The following TPST2 variants were observed in gnomAD, a reference collection of about 807,000 sequenced individuals.
TPST2 encodes protein-tyrosine sulfotransferase 2.
Under a neutral mutation model 27.8 loss-of-function variants are expected in TPST2, and 16 were observed. That is an observed-to-expected ratio of 0.58 (90% confidence interval 0.39 to 0.88). The LOEUF (loss-of-function observed/expected upper bound fraction) is 0.88. Ranked by LOEUF, TPST2 falls within the 40% of genes least tolerant of loss-of-function variation. TPST2 has a pLI of 0.00. For missense variants in TPST2, 464 were observed against 543.1 expected, an observed-to-expected ratio of 0.85 and a Z score of 1.45; for synonymous variants, 229 against 231.7, an observed-to-expected ratio of 0.99 and a Z score of 0.10.
chr22:26,536,890 T>A (rs1925501546), intron 3 of TPST2, among the ~76,000 whole-genome samples: 1 of 152,016 alleles, frequency 6.6e-6, no homozygotes, highest in Non-Finnish European at 1.5e-5. Context: ...GAAACCCCAT[T>A]ACAAAAATAA....
intron 1 of TPST2, among the ~76,000 whole-genome samples, chr22:26,545,441 G>A (rs989664884): frequency 3.9e-5 from 6 of 152,190 alleles, no homozygotes; most frequent in African/African-American, 1.4e-4. Flanking sequence ...GGCCAAAGTG[G>A]AATCAAGGGG....
intron 4 of TPST2, among the ~76,000 whole-genome samples, chr22:26,533,350 G>C (rs760306163): frequency 9.2e-5 from 14 of 152,116 alleles, no homozygotes; most frequent in Non-Finnish European, 2.1e-4. Flanking sequence ...AGCCCGGGAG[G>C]TTGAGGCTGC....
rs754057486 is a variant in TPST2 at position 26,541,256 on chromosome 22, C to A, written c.375G>T (p.Glu125Asp). 2 of 1,541,380 alleles carry A rather than the reference C, an allele frequency of 1.3e-6. No homozygotes were observed. Among genetic ancestry groups the A allele is most frequent in the Non-Finnish European group, 1.8e-6 (2 of 1,142,336 alleles). ...KSGREKLRLD[E>D]AGVTDEVLDA... ...CCAGCACCTCATCCGTCACCCCCGCCTCATCCAGCCGCAGCTTCTCACGGC... is the reference window on the plus strand; with the variant it reads ...CCAGCACCTCATCCGTCACCCCCGCATCATCCAGCCGCAGCTTCTCACGGC... Residue 125 changes from glutamate (E) to aspartate (D), a missense_variant, in exon 3 of 7, where the codon GAG becomes GAT. Coordinates refer to ENST00000338754, the MANE Select transcript of TPST2 (RefSeq NM_003595.5). The surrounding 1 kb of genome is among the most constrained non-coding windows in gnomAD (Gnocchi z 5.9).
intron 3 of TPST2, among the ~76,000 whole-genome samples, chr22:26,537,806 G>GCT (rs924166083): frequency 3.3e-5 from 5 of 151,810 alleles, no homozygotes; most frequent in African/African-American, 4.8e-5. Context: ...CTGTGCACAC[G>GCT]CTCTCTCTCT....
intron 1 of TPST2, among the ~76,000 whole-genome samples, chr22:26,553,227 T>C (rs927105008): frequency 1.3e-4 from 20 of 152,124 alleles, no homozygotes; most frequent in Admixed American, 1.2e-3. Context: ...GGCCAGCCTT[T>C]GGTAAGAGAA....
chr22:26,563,008 C>G (rs1337713164), intron 1 of TPST2, among the ~76,000 whole-genome samples: 1 of 152,164 alleles, frequency 6.6e-6, no homozygotes, highest in African/African-American at 2.4e-5. Context: ...AAACATCTTA[C>G]AATGCCCAGG....
chr22:26,556,577 C>T (rs975235603), intron 1 of TPST2, among the ~76,000 whole-genome samples: 4 of 152,172 alleles, frequency 2.6e-5, no homozygotes, highest in African/African-American at 9.7e-5. Context: ...GATGCGAGTG[C>T]TGCCACTACT....
intron 1 of TPST2, among the ~76,000 whole-genome samples, chr22:26,579,432 G>A (rs1193788308): frequency 1.3e-5 from 2 of 152,228 alleles, no homozygotes; most frequent in African/African-American, 4.8e-5. Flanking sequence ...GCCCGGTGGG[G>A]AAGGGAGGGC....
chr22:26,560,511 G>A (rs1927032465), intron 1 of TPST2: 1 of 823,760 alleles, frequency 1.2e-6, no homozygotes, highest in South Asian at 1.4e-5. Flanking sequence ...CCTCGCTGAG[G>A]AAAAATAACT....
intron 1 of TPST2, among the ~76,000 whole-genome samples, chr22:26,551,231 A>C (rs559195529): frequency 1.3e-5 from 2 of 152,354 alleles, no homozygotes; most frequent in Non-Finnish European, 2.9e-5. Flanking sequence ...GGTTGCAGTG[A>C]GCCAAGATCA....
intron 5 of TPST2, among the ~76,000 whole-genome samples, chr22:26,528,745 G>C (rs1165705159): frequency 6.6e-6 from 1 of 152,146 alleles, no homozygotes; most frequent in Non-Finnish European, 1.5e-5. Flanking sequence ...CGCTTTGGGA[G>C]GCCGAGGAGG....
intron 4 of TPST2, among the ~76,000 whole-genome samples, chr22:26,533,207 C>A (rs4822731): frequency 6.6e-6 from 1 of 152,052 alleles, no homozygotes; most frequent in Non-Finnish European, 1.5e-5. Context: ...TTGAGTCCAG[C>A]AGTTTGAGAT....
chr22:26,555,722 C>T (rs1602280152), intron 1 of TPST2, among the ~76,000 whole-genome samples: 1 of 152,206 alleles, frequency 6.6e-6, no homozygotes, highest in Non-Finnish European at 1.5e-5. Flanking sequence ...TCAGGGCACG[C>T]TGGAGCACCC....
chr22:26,551,877 CTTTTTCTTTTTTT>C (rs1442838568), intron 1 of TPST2, among the ~76,000 whole-genome samples: 6 of 110,454 alleles, frequency 5.4e-5, no homozygotes, highest in Admixed American at 1.8e-4. Flanking sequence ...CTTTTCTTTT[CTTTTTCTTTTTTT>C]TTTTTTTTTT....
intron 1 of TPST2, among the ~76,000 whole-genome samples, chr22:26,556,228 T>A (rs1926784556): frequency 6.6e-6 from 1 of 152,176 alleles, no homozygotes; most frequent in Non-Finnish European, 1.5e-5. Context: ...GACACATCTG[T>A]GGCACCTAAA....
chr22:26,541,454 G>A lies in TPST2; in HGVS notation c.177C>T (p.His59=), dbSNP rs150457895. The A allele has an allele frequency of 1.9e-3, 3,023 of 1,606,738 alleles. 3 individuals carry two copies. Among genetic ancestry groups the A allele is most frequent in the Non-Finnish European group, 2.2e-3 (2,634 of 1,176,560 alleles). ...QEELVMVGTN[H]VEYRYGKAMP... ...TGGCCTTGCCATAGCGGTATTCCAC[G>A]TGGTTGGTGCCCACCATCACCAGCT... The change falls in exon 3 of 7, where the codon CAC becomes CAT. Residue 59 remains histidine, a synonymous_variant. Transcript: ENST00000338754. This position sits in a 1 kb window ranked among gnomAD's most constrained non-coding sequence, Gnocchi z 5.9.
At chr22:26,576,746 GA>G (rs1335095188) in intron 1 of TPST2, among the ~76,000 whole-genome samples, 1 of 151,912 alleles carries the variant, frequency 6.6e-6, no homozygotes, top group Non-Finnish European at 1.5e-5. Context: ...TGAGGTGGGA[GA>G]ATCACTTGAG....
At chr22:26,544,769 A>G (rs949680141) in intron 1 of TPST2, 94 bp from the exon 2 acceptor site, 1 of 636,348 alleles carries the variant, frequency 1.6e-6, no homozygotes, top group Non-Finnish European at 2.0e-6. Context: ...GGCTCCCAAG[A>G]GCACTGGACA....
intron 1 of TPST2, among the ~76,000 whole-genome samples, chr22:26,588,350 A>G (rs1928422563): frequency 1.3e-5 from 2 of 152,188 alleles, no homozygotes; most frequent in South Asian, 2.1e-4. Flanking sequence ...ATTCATAGAG[A>G]ATTTGAGAGT....
Sources: gnomAD v4.1 joint callset for allele counts (sites outside exome capture counted in the v4.1 genomes callset) on GRCh38, gnomAD v4.1.1 for gene constraint, Gnocchi (gnomAD v3.1) non-coding constraint, MANE v1.5 for transcripts, NCBI Gene and HGNC (gene_info 2026-07-23, HGNC 2026-07-21) for gene names.